Variants in BLNK observed in about 807,000 individuals in gnomAD.
BLNK encodes B-cell linker protein.
BLNK carries 29 observed loss-of-function variants against 73.5 expected under a neutral mutation model. That is an observed-to-expected ratio of 0.39 (90% CI 0.29 to 0.54). The LOEUF (loss-of-function observed/expected upper bound fraction) is 0.54, where lower values mean the gene tolerates loss of function less well. BLNK is among the 20% of genes least tolerant of loss of function. BLNK has a pLI of 0.61. For synonymous variants in BLNK, 176 were observed against 200.8 expected (o/e 0.88, Z 1.04); for missense variants, 460 against 562.8 (o/e 0.82, Z 1.85).
chr10:96,207,007 T>G lies in BLNK; in HGVS notation c.817+4A>C, dbSNP rs1554897557. 2 of 1,613,834 alleles carry G rather than the reference T, an allele frequency of 1.2e-6. No individual in the cohort carries two copies. Among genetic ancestry groups the G allele is most frequent in the Admixed American group, 1.7e-5 (1 of 60,026 alleles). Reference sequence around the variant, plus strand: ...TGCTCATCCTTCAAAATAATAGATTTTACCTTCACAAACACTTGAAGCATT... The same window carrying G: ...TGCTCATCCTTCAAAATAATAGATTGTACCTTCACAAACACTTGAAGCATT... On this transcript the variant is annotated splice_donor_region_variant and intron_variant, in intron 11 of 16. Coordinates refer to ENST00000224337, the MANE Select transcript of BLNK (RefSeq NM_013314.4).
intron 1 of BLNK, among the ~76,000 whole-genome samples, chr10:96,248,701 A>G (rs12260882): frequency 0.034 from 5,132 of 152,228 alleles, 293 homozygotes; most frequent in African/African-American, 0.12. Context: ...CCTCCCCACA[A>G]CCATAACTCT....
At chr10:96,236,396 G>T (rs762258484) in intron 3 of BLNK, among the ~76,000 whole-genome samples, 1 of 152,252 alleles carries the variant, frequency 6.6e-6, no homozygotes, top group African/African-American at 2.4e-5. Context: ...TACAGAGGCT[G>T]CAGGGGAGGC....
At chr10:96,245,824 A>G (rs1475583954) in intron 2 of BLNK, among the ~76,000 whole-genome samples, 1 of 142,262 alleles carries the variant, frequency 7.0e-6, no homozygotes, top group South Asian at 2.1e-4. Flanking sequence ...ACATATATAC[A>G]TACTTATACA....
chr10:96,218,929 A>C (rs748255128), intron 6 of BLNK, among the ~76,000 whole-genome samples: 147 of 152,204 alleles, frequency 9.7e-4, no homozygotes, highest in Non-Finnish European at 1.8e-3. Context: ...GATCTGGCTG[A>C]GGGAGATGAG....
chr10:96,226,045 A>G (rs587665767), intron 5 of BLNK, among the ~76,000 whole-genome samples: 1 of 152,146 alleles, frequency 6.6e-6, no homozygotes, highest in Admixed American at 6.5e-5. Flanking sequence ...TTCACCAAGT[A>G]TGGTGGGTGG....
In BLNK at chr10:96,200,929, T is replaced by C; in HGVS notation, c.1011+53A>G. On this transcript the variant is annotated intron_variant, in intron 14 of 16. Transcript: ENST00000224337. The surrounding 1 kb of genome is among the most constrained non-coding windows in gnomAD (Gnocchi z 4.3). Reference sequence around the variant, plus strand: ...TGTCTTCTTCTCAGAAGACATGCTCTTTCCTGCAGTTTCCTGGTAACAATT... The same window carrying C: ...TGTCTTCTTCTCAGAAGACATGCTCCTTCCTGCAGTTTCCTGGTAACAATT... The C allele has an allele frequency of 6.7e-7, 1 of 1,500,986 alleles. No individual in the cohort carries two copies. The highest frequency in any genetic ancestry group is 1.1e-5 in the South Asian group (1 of 88,852). 93.0% of individuals were successfully genotyped at this position (1,500,986 alleles called of 1,614,324 possible). A position where few individuals can be genotyped will look rare whatever the true frequency, so the allele number is the denominator to read the frequency against.
Position 96,229,702 on chromosome 10 carries a change from G to A in BLNK, c.204+1092C>T, listed in dbSNP as rs587678718. ...TGTGTGTGTGTTCGTGTGTGCACGC[G>A]CGTGCGCAGCCAGCAGGGGGCGCAG... On this transcript the variant is annotated intron_variant, in intron 4 of 16. Transcript: ENST00000224337. 4.8e-4 allele frequency among the ~76,000 whole-genome samples: 72 copies of A among 151,094 alleles called. 1 individual carries two copies. Among genetic ancestry groups the A allele is most frequent in the Non-Finnish European group, 6.9e-4 (47 of 67,854 alleles).
chr10:96,262,156 C>T (rs544690284), intron 1 of BLNK, among the ~76,000 whole-genome samples: 1 of 152,316 alleles, frequency 6.6e-6, no homozygotes, highest in African/African-American at 2.4e-5. Context: ...GAGCTCTCTG[C>T]CCCCTTGGTC....
At chr10:96,242,299 TC>T (rs1842905843) in intron 3 of BLNK, among the ~76,000 whole-genome samples, 1 of 152,102 alleles carries the variant, frequency 6.6e-6, no homozygotes, top group Non-Finnish European at 1.5e-5. Context: ...GATTGTGAGG[TC>T]CCCCCAGCCA....
intron 8 of BLNK, among the ~76,000 whole-genome samples, chr10:96,214,460 G>C (rs2084018212): frequency 6.6e-6 from 1 of 152,188 alleles, no homozygotes; most frequent in South Asian, 2.1e-4. Flanking sequence ...CAAGAGGCAG[G>C]GGTATGGCTG....
At chr10:96,192,280 T>G (rs2083346545) in intron 16 of BLNK, among the ~76,000 whole-genome samples, 188 bp from the exon 17 acceptor site, 1 of 152,152 alleles carries the variant, frequency 6.6e-6, no homozygotes, top group African/African-American at 2.4e-5. Context: ...TTTGCTGTAT[T>G]AAGTACGAAG....
rs1470788411 is a variant in BLNK, at chr10:96,220,855, A to C, written c.525+2971T>G. Among the ~76,000 whole-genome samples, 3 of 152,244 alleles carry C rather than the reference A, an allele frequency of 2.0e-5. No homozygotes were observed. In the East Asian group the frequency reaches 5.8e-4, roughly 29 times the overall value. The stretch of plus-strand genomic sequence containing the variant: ...TTTCAGTATTAATAAGACACTTGTC[A>C]TAATTGTTTACATGTTTGCCTCCCC... On this transcript the variant is annotated intron_variant, in intron 6 of 16. Coordinates refer to ENST00000224337, the MANE Select transcript of BLNK (RefSeq NM_013314.4).
intron 16 of BLNK, among the ~76,000 whole-genome samples, chr10:96,194,930 C>T (rs1028040434): frequency 6.6e-6 from 1 of 151,294 alleles, no homozygotes; most frequent in Admixed American, 6.6e-5. Flanking sequence ...GCCACCATGC[C>T]CGGCTAATTT....
chr10:96,262,394 G>C (rs1454436648), intron 1 of BLNK, among the ~76,000 whole-genome samples: 1 of 152,248 alleles, frequency 6.6e-6, no homozygotes, highest in South Asian at 2.1e-4. Flanking sequence ...CAGAGGTACT[G>C]TTCTAATACC....
chr10:96,258,211 A>G (rs1843601247), intron 1 of BLNK, among the ~76,000 whole-genome samples: 1 of 152,178 alleles, frequency 6.6e-6, no homozygotes, highest in Non-Finnish European at 1.5e-5. Flanking sequence ...GAGTGAGCTC[A>G]TGGTGGAGCT....
Position 96,189,764 on chromosome 10 carries a change from T to C in BLNK, c.*2209A>G. ...TCAGCAGCAAGTTTTACTTTTATTCTCTGGAATCTTGCTACCACCTCCAGG... is the reference window on the plus strand; with the variant it reads ...TCAGCAGCAAGTTTTACTTTTATTCCCTGGAATCTTGCTACCACCTCCAGG... On this transcript the variant is annotated 3_prime_UTR_variant, in exon 17 of 17. Transcript: ENST00000224337. The C allele has an allele frequency of 1.3e-6, 1 of 784,408 alleles. No individual in the cohort carries two copies. Among genetic ancestry groups the C allele is most frequent in the Non-Finnish European group, 2.2e-6 (1 of 445,410 alleles). 48.6% of individuals were successfully genotyped at this position (784,408 alleles called of 1,614,324 possible).
rs73320976 is a variant in BLNK at position 96,199,339 on chromosome 10, C to T, written c.1095+736G>A. On this transcript the variant is annotated intron_variant, in intron 15 of 16. Transcript: ENST00000224337. The stretch of plus-strand genomic sequence containing the variant: ...CATGATTGAAGTTGGGCTCTCCAAA[C>T]ATTTACTTCCAGGTATTTTTTGTTT... 3.1e-3 allele frequency: 792 copies of T among 258,154 alleles called. 3 individuals are homozygous for T. Among genetic ancestry groups the T allele is most frequent in the African/African-American group, 0.016 (722 of 45,122 alleles). The allele number at this position is 258,154 out of a possible 1,614,324, so 16.0% of individuals were successfully genotyped here.
At chr10:96,219,308 C>T (rs1322968967) in intron 6 of BLNK, among the ~76,000 whole-genome samples, 2 of 152,222 alleles carry the variant, frequency 1.3e-5, no homozygotes, top group Non-Finnish European at 2.9e-5. Context: ...CGGATCCCTG[C>T]AGGACCTTTT....
chr10:96,203,544 G>A (rs1456005267), intron 13 of BLNK: 1 of 152,336 alleles, frequency 6.6e-6, no homozygotes, highest in Non-Finnish European at 1.5e-5. Context: ...CGTTCTGTGA[G>A]CCTGACTTAT....
Sources: allele counts gnomAD v4.1 joint callset (sites outside exome capture counted in the v4.1 genomes callset), GRCh38; gene constraint gnomAD v4.1.1; non-coding constraint Gnocchi (gnomAD v3.1); transcripts MANE v1.5; gene names NCBI Gene and HGNC (gene_info 2026-07-23, HGNC 2026-07-21).